The following MAP2K3 variants were observed in gnomAD, a reference collection of about 807,000 sequenced individuals.
The protein encoded by MAP2K3 is dual specificity mitogen-activated protein kinase kinase 3.
Under a neutral mutation model 46.4 loss-of-function variants are expected in MAP2K3, and 30 were observed. The observed-to-expected ratio is 0.65, with a 90% CI of 0.48 to 0.88. MAP2K3 has a LOEUF of 0.88. MAP2K3 is among the 40% of genes least tolerant of loss of function. The probability of loss-of-function intolerance (pLI) is 0.00; values close to 1 mark genes in which losing one functional copy is unlikely to be tolerated. For missense variants in MAP2K3, 380 were observed against 464.5 expected (o/e 0.82, Z 1.67); for synonymous variants, 189 against 176.3 (o/e 1.07, Z -0.57).
At chr17:21,292,480 C>T (rs1292646102) in intron 1 of MAP2K3, among the ~76,000 whole-genome samples, 3 of 152,312 alleles carry the variant, frequency 2.0e-5, no homozygotes, top group Non-Finnish European at 4.4e-5. Context: ...CCTCAGCCTC[C>T]CAGGTAACTG....
chr17:21,293,999 A>G (rs1283931692), intron 1 of MAP2K3, among the ~76,000 whole-genome samples: 1 of 152,308 alleles, frequency 6.6e-6, no homozygotes, highest in Admixed American at 6.5e-5. Context: ...AGGACCTCTG[A>G]TGGCACCTGT....
At position 21,303,189 on chromosome 17, in the gene MAP2K3, C is replaced by T. The variant is rs1339756947; in HGVS notation, c.523C>T (p.Arg175Trp). The T allele has an allele frequency of 3.2e-5, 51 of 1,614,168 alleles. No individual in the cohort carries two copies. The Middle Eastern group carries it at 4.9e-4, about 16-fold the overall frequency. ...CTCCCCACCCCACCGCCAGATCGTG[C>T]GGGCCCTGGAGCATCTGCACAGCAA... ...ILGEIAVSIV[R>W]ALEHLHSKLS... Residue 175 changes from arginine (R) to tryptophan (W), a missense_variant, in exon 7 of 12, where the codon CGG becomes TGG. Physicochemically the swap from Arg to Trp is moderately radical, Grantham distance 101. Around this residue, in one of 5 missense-constraint regions of MAP2K3, gnomAD observed 294 missense variants for 275.4 expected, o/e 1.07. Coordinates refer to ENST00000342679, the MANE Select transcript of MAP2K3 (RefSeq NM_145109.3).
chr17:21,293,684 A>T (rs1976076489), intron 1 of MAP2K3, among the ~76,000 whole-genome samples: 1 of 152,184 alleles, frequency 6.6e-6, no homozygotes, highest in Non-Finnish European at 1.5e-5. Flanking sequence ...AGCCGGGCAG[A>T]GGCAGGGCAG....
At chr17:21,306,852 C>T (rs1362140355) in intron 9 of MAP2K3, among the ~76,000 whole-genome samples, 1 of 152,304 alleles carries the variant, frequency 6.6e-6, no homozygotes, top group Non-Finnish European at 1.5e-5. Context: ...GTGGTATCAT[C>T]GCAGCTCACT....
At chr17:21,291,170 G>C (rs1371050399) in intron 1 of MAP2K3, among the ~76,000 whole-genome samples, 14 of 152,300 alleles carry the variant, frequency 9.2e-5, no homozygotes, top group Non-Finnish European at 1.8e-4. Flanking sequence ...CATGAACCCG[G>C]GAGGCGGAGC....
intron 5 of MAP2K3, among the ~76,000 whole-genome samples, 176 bp downstream of exon 5, chr17:21,301,169 C>T (rs1389899642): frequency 6.6e-6 from 1 of 152,310 alleles, no homozygotes; most frequent in African/African-American, 2.4e-5. Context: ...GTTTCCTTGT[C>T]AGTCAAATGA....
chr17:21,302,881 G>C (rs1976683681), intron 6 of MAP2K3, among the ~76,000 whole-genome samples: 1 of 152,430 alleles, frequency 6.6e-6, no homozygotes, highest in South Asian at 2.1e-4. Context: ...GATGGGACAG[G>C]GAGGCTGCCA....
chr17:21,302,103 C>T (rs775884558), intron 5 of MAP2K3, 40 bp from the exon 6 acceptor site: 24 of 1,605,836 alleles, frequency 1.5e-5, no homozygotes, highest in Non-Finnish European at 2.6e-6. Context: ...CAGACACGGG[C>T]AGCCCGGCAG....
rs1274775936 is a variant in MAP2K3, at chr17:21,298,556, C to T, written c.116+77C>T. 19 of 1,609,802 alleles carry T rather than the reference C, an allele frequency of 1.2e-5. No individual in the cohort carries two copies. The African/African-American group carries it at 2.1e-4, about 18-fold the overall frequency. On this transcript the variant is annotated intron_variant, in intron 2 of 11. Coordinates refer to ENST00000342679, the MANE Select transcript of MAP2K3 (RefSeq NM_145109.3). The stretch of plus-strand genomic sequence containing the variant: ...AGGGCTCAATGGAAGGAGTGAGAGG[C>T]AGGTGGGGCCAGCCCTGCTTTACCT...
At chr17:21,302,536 G>A (rs754130300) in intron 6 of MAP2K3, among the ~76,000 whole-genome samples, 595 of 152,128 alleles carry the variant, frequency 3.9e-3, no homozygotes, top group Non-Finnish European at 5.9e-3. Flanking sequence ...TTGAGTTCCA[G>A]ATCATTTTTT....
At chr17:21,312,842 G>C (rs1977228956) in intron 10 of MAP2K3, among the ~76,000 whole-genome samples, 1 of 151,794 alleles carries the variant, frequency 6.6e-6, no homozygotes, top group South Asian at 2.1e-4. Context: ...TTGAACCCGG[G>C]AGCCGGAGGT....
At chr17:21,290,621 C>T (rs1173947561) in intron 1 of MAP2K3, among the ~76,000 whole-genome samples, 15 of 152,312 alleles carry the variant, frequency 9.8e-5, no homozygotes, top group Non-Finnish European at 2.1e-4. Flanking sequence ...CTAGCATTTC[C>T]ATCACCAAGA....
chr17:21,302,738 C>T (rs543782179), intron 6 of MAP2K3, among the ~76,000 whole-genome samples: 13 of 152,416 alleles, frequency 8.5e-5, no homozygotes, highest in Admixed American at 5.9e-4. Flanking sequence ...GAAAATAGAA[C>T]CAGTGAGACT....
intron 9 of MAP2K3, among the ~76,000 whole-genome samples, chr17:21,307,333 C>T (rs1331116506): frequency 6.6e-6 from 1 of 152,410 alleles, no homozygotes; most frequent in African/African-American, 2.4e-5. Flanking sequence ...GAACAAAGAC[C>T]AAATAAATTC....
intron 9 of MAP2K3, among the ~76,000 whole-genome samples, chr17:21,311,315 T>C (rs1451904736): frequency 6.6e-6 from 1 of 152,016 alleles, no homozygotes; most frequent in Non-Finnish European, 1.5e-5. Context: ...ACTTGTTTTT[T>C]CCATCCAGTC....
In MAP2K3 at chr17:21,304,569, G is replaced by A; in HGVS notation, c.696+16G>A. 3 of 1,614,244 alleles carry A rather than the reference G, an allele frequency of 1.9e-6. No individual in the cohort carries two copies. Among genetic ancestry groups the A allele is most frequent in the African/African-American group, 2.7e-5 (2 of 75,080 alleles). On this transcript the variant is annotated intron_variant, in intron 8 of 11. Transcript: ENST00000342679. ...CTACATGGCCGTGAGTGGTCCCCAAGCCCCCCAGGCTCAGGAGAGGATGGG... is the reference window on the plus strand; with the variant it reads ...CTACATGGCCGTGAGTGGTCCCCAAACCCCCCAGGCTCAGGAGAGGATGGG...
In MAP2K3 at chr17:21,298,238, TG is replaced by T; in HGVS notation, c.50-172del. 3 of 902,114 alleles carry T rather than the reference TG, an allele frequency of 3.3e-6. No homozygotes were observed. The Admixed American group carries it at 5.1e-5, about 15-fold the overall frequency. 55.9% of individuals were successfully genotyped at this position (902,114 alleles called of 1,614,324 possible). Reference sequence around the variant, plus strand: ...CTGCTCTGCTCCCCTGCAGGGCTGGTGGGCCTCCTTCCCCCTTTGAAGGCCT... The same window carrying T: ...CTGCTCTGCTCCCCTGCAGGGCTGGTGGCCTCCTTCCCCCTTTGAAGGCCT... On this transcript the variant is annotated intron_variant, in intron 1 of 11. Transcript: ENST00000342679.
intron 1 of MAP2K3, among the ~76,000 whole-genome samples, chr17:21,292,045 G>T (rs1975967988): frequency 6.6e-6 from 1 of 152,310 alleles, no homozygotes; most frequent in Admixed American, 6.5e-5. Context: ...TGGGACCCAG[G>T]CTGGGGGCCT....
At chr17:21,286,934 C>G (rs1975738843) in intron 1 of MAP2K3, among the ~76,000 whole-genome samples, 2 of 152,228 alleles carry the variant, frequency 1.3e-5, no homozygotes, top group Admixed American at 1.3e-4. Context: ...CACCAAAAAC[C>G]CTATGAGCTC....
Sources: gnomAD v4.1 joint callset for allele counts (sites outside exome capture counted in the v4.1 genomes callset) on GRCh38, gnomAD v4.1.1 for gene constraint, gnomAD v4.1.1 regional missense constraint, MANE v1.5 for transcripts, NCBI Gene and HGNC (gene_info 2026-07-23, HGNC 2026-07-21) for gene names.